SMAP1: variants seen among roughly 807,000 people sequenced by gnomAD.
The protein encoded by SMAP1 is small ArfGAP 1.
A neutral mutation model predicts 58.5 loss-of-function variants in SMAP1; 24 were observed. The ratio of observed to expected loss-of-function variants is 0.41; its 90% CI spans 0.30 to 0.58. SMAP1 has a LOEUF of 0.58. SMAP1 is among the 20% of genes least tolerant of loss of function. The probability of loss-of-function intolerance (pLI) is 0.29; values close to 1 mark genes in which losing one functional copy is unlikely to be tolerated. For synonymous variants in SMAP1, 216 were observed against 196.6 expected (o/e 1.10, Z -0.82); for missense variants, 563 against 566.3 (o/e 0.99, Z 0.06).
At chr6:70,701,880 A>C (rs746951830) in intron 1 of SMAP1, among the ~76,000 whole-genome samples, 1 of 152,180 alleles carries the variant, frequency 6.6e-6, no homozygotes, top group South Asian at 2.1e-4. Flanking sequence ...GTGTTCCTGC[A>C]GGGGAGATGA....
At chr6:70,753,946 T>C (rs1247712613) in intron 2 of SMAP1, among the ~76,000 whole-genome samples, 4 of 152,090 alleles carry the variant, frequency 2.6e-5, no homozygotes, top group Non-Finnish European at 4.4e-5. Flanking sequence ...TAGTGCACTT[T>C]AAAACTCTCA....
intron 1 of SMAP1, among the ~76,000 whole-genome samples, chr6:70,727,253 C>G (rs921101651): frequency 7.2e-5 from 11 of 152,194 alleles, no homozygotes; most frequent in African/African-American, 2.6e-4. Context: ...GGACTACAGG[C>G]ACGTACCAAC....
At chr6:70,725,091 G>GTTTTTTTTTTTTTT (rs1562116511) in intron 1 of SMAP1, among the ~76,000 whole-genome samples, 2 of 80,506 alleles carry the variant, frequency 2.5e-5, no homozygotes, top group South Asian at 7.7e-4. Flanking sequence ...AAATTAACCA[G>GTTTTTTTTTTTTTT]TGTTTTTTTT....
intron 1 of SMAP1, among the ~76,000 whole-genome samples, chr6:70,687,868 A>G (rs953730288): frequency 1.2e-4 from 19 of 152,150 alleles, no homozygotes; most frequent in African/African-American, 4.3e-4. Context: ...GAAGATTCAT[A>G]TATCTGCCAC....
In SMAP1 at chr6:70,713,362, A is replaced by G. The variant is rs563705001; in HGVS notation, c.119-19016A>G. 7.3e-5 allele frequency among the ~76,000 whole-genome samples: 11 copies of G among 151,194 alleles called. No homozygotes were observed. In the South Asian group the frequency reaches 2.3e-3, roughly 32 times the overall value. On this transcript the variant is annotated intron_variant, in intron 1 of 10. Transcript: ENST00000370455. Reference sequence around the variant, plus strand: ...CTTGAGGTGTATAGTTAGGTTGTTTATTTTGAGATTTTTTTTAATGCAGAC... The same window carrying G: ...CTTGAGGTGTATAGTTAGGTTGTTTGTTTTGAGATTTTTTTTAATGCAGAC...
intron 2 of SMAP1, among the ~76,000 whole-genome samples, chr6:70,751,054 A>G (rs973192122): frequency 1.8e-4 from 27 of 152,140 alleles, no homozygotes; most frequent in African/African-American, 5.1e-4. Flanking sequence ...AGCCCGGCCA[A>G]CATGGTGAAA....
intron 3 of SMAP1, among the ~76,000 whole-genome samples, chr6:70,758,387 G>T (rs1196920292): frequency 8.8e-6 from 1 of 113,718 alleles, no homozygotes; most frequent in African/African-American, 3.3e-5. Context: ...GGGGGAGGGG[G>T]GAGGGATAGC....
chr6:70,749,525 T>A (rs1299247431), intron 2 of SMAP1, among the ~76,000 whole-genome samples: 1 of 152,144 alleles, frequency 6.6e-6, no homozygotes, highest in African/African-American at 2.4e-5. Flanking sequence ...ATTTAGAAGA[T>A]GTAATTGCAA....
chr6:70,860,855 T>C lies in SMAP1; in HGVS notation c.*521T>C, dbSNP rs1291083808. On this transcript the variant is annotated 3_prime_UTR_variant, in exon 11 of 11. Transcript: ENST00000370455. The stretch of plus-strand genomic sequence containing the variant: ...TCACTGTGCTGTTGTTATGATGTGC[T>C]TAACAGGGAACGTGATTAGTGAAAG... The C allele has an allele frequency of 5.1e-6, 2 of 395,064 alleles. No individual in the cohort carries two copies. The highest frequency in any genetic ancestry group is 8.9e-6 in the Non-Finnish European group (2 of 223,896). The allele number at this position is 395,064 out of a possible 1,614,324, so 24.5% of individuals were successfully genotyped here.
intron 1 of SMAP1, among the ~76,000 whole-genome samples, chr6:70,670,445 T>G (rs546176382): frequency 6.6e-6 from 1 of 152,314 alleles, no homozygotes; most frequent in South Asian, 2.1e-4. Context: ...GATGTAAATA[T>G]ATTTTCACAG....
intron 1 of SMAP1, among the ~76,000 whole-genome samples, chr6:70,670,345 CA>C (rs996258740): frequency 6.6e-6 from 1 of 151,960 alleles, no homozygotes; most frequent in African/African-American, 2.4e-5. Context: ...ATCTTTCAGG[CA>C]AAAAATCACA....
At chr6:70,854,229 T>A (rs1771305305) in intron 8 of SMAP1, among the ~76,000 whole-genome samples, 1 of 152,220 alleles carries the variant, frequency 6.6e-6, no homozygotes, top group African/African-American at 2.4e-5. Context: ...AACACTGTTA[T>A]GTTGAGCACT....
At chr6:70,691,395 A>G (rs1417013061) in intron 1 of SMAP1, among the ~76,000 whole-genome samples, 2 of 152,212 alleles carry the variant, frequency 1.3e-5, no homozygotes, top group African/African-American at 4.8e-5. Flanking sequence ...CATAATAGTC[A>G]CATCAGGGTA....
At chr6:70,810,184 C>T (rs1769326126) in intron 6 of SMAP1, among the ~76,000 whole-genome samples, 1 of 151,896 alleles carries the variant, frequency 6.6e-6, no homozygotes, top group Non-Finnish European at 1.5e-5. Flanking sequence ...TTTTCTTTTT[C>T]TTGAGATAGG....
At position 70,861,638 on chromosome 6, in the gene SMAP1, A is replaced by G; in HGVS notation, c.*1304A>G. 6.2e-7 allele frequency: 1 copy of G among 1,605,046 alleles called. No homozygotes were observed. The highest frequency in any genetic ancestry group is 8.5e-7 in the Non-Finnish European group (1 of 1,172,448). ...TTCCATATGGATCCACTGGCTGGAC[A>G]AACTGCACCAGTTGCTGCTTCAATT... is the stretch of plus-strand genomic sequence containing the variant. On this transcript the variant is annotated 3_prime_UTR_variant, in exon 11 of 11. Transcript: ENST00000370455.
At chr6:70,742,739 G>T (rs902115080) in intron 2 of SMAP1, among the ~76,000 whole-genome samples, 1 of 152,134 alleles carries the variant, frequency 6.6e-6, no homozygotes, top group African/African-American at 2.4e-5. Flanking sequence ...ACCCAAGACT[G>T]GAGTAATTTA....
intron 4 of SMAP1, among the ~76,000 whole-genome samples, chr6:70,774,331 T>G (rs936440860): frequency 1.3e-5 from 2 of 152,238 alleles, no homozygotes; most frequent in Admixed American, 1.3e-4. Context: ...TAAGGCTAAT[T>G]GCCTTTATTG....
At chr6:70,719,622 G>A (rs569878090) in intron 1 of SMAP1, among the ~76,000 whole-genome samples, 1 of 152,242 alleles carries the variant, frequency 6.6e-6, no homozygotes, top group South Asian at 2.1e-4. Context: ...ACGTACCCGA[G>A]ACTGGGAAGA....
intron 4 of SMAP1, among the ~76,000 whole-genome samples, chr6:70,790,373 A>G (rs973673648): frequency 5.3e-5 from 8 of 152,114 alleles, no homozygotes; most frequent in Non-Finnish European, 1.0e-4. Context: ...TCCTGAACTC[A>G]AGTGATCTGC....
Sources: allele counts gnomAD v4.1 joint callset (sites outside exome capture counted in the v4.1 genomes callset), GRCh38; gene constraint gnomAD v4.1.1; transcripts MANE v1.5; gene names NCBI Gene and HGNC (gene_info 2026-07-23, HGNC 2026-07-21).